Variants in DOCK7 observed in about 807,000 individuals in gnomAD.
The protein encoded by DOCK7 is dedicator of cytokinesis 7, also known as dedicator of cytokinesis protein 7.
In DOCK7, 138 loss-of-function variants were observed where a neutral mutation model predicts 271.0. The ratio of observed to expected loss-of-function variants is 0.51; its 90% confidence interval spans 0.44 to 0.59. The LOEUF is 0.59. Ranked by LOEUF, DOCK7 falls within the 20% of genes least tolerant of loss-of-function variation. The pLI, the probability that DOCK7 is intolerant of heterozygous loss-of-function variation, is 0.00. For synonymous variants in DOCK7, 823 were observed against 876.1 expected, an observed-to-expected ratio of 0.94 and a Z score of 1.07; for missense variants, 2,066 against 2,592.4, an observed-to-expected ratio of 0.80 and a Z score of 4.41.
intron 21 of DOCK7, among the ~76,000 whole-genome samples, chr1:62,553,375 T>A (rs1464070004): frequency 0.016 from 128 of 8,128 alleles, no homozygotes; most frequent in East Asian, 0.07. Flanking sequence ...TTTTTTTTTT[T>A]TTTTTTTTTT....
intron 27 of DOCK7, among the ~76,000 whole-genome samples, chr1:62,538,303 T>C (rs1157971427): frequency 6.6e-6 from 1 of 152,214 alleles, no homozygotes; most frequent in African/African-American, 2.4e-5. Flanking sequence ...ATTTCCAATA[T>C]AGCATCAATA....
intron 31 of DOCK7, among the ~76,000 whole-genome samples, chr1:62,518,797 G>T (rs756046020): frequency 5.3e-5 from 8 of 151,100 alleles, no homozygotes; most frequent in Non-Finnish European, 1.0e-4. Flanking sequence ...ACTATAATGG[G>T]GTAAGACAAT....
intron 2 of DOCK7, among the ~76,000 whole-genome samples, chr1:62,660,207 A>G (rs570408817): frequency 6.6e-6 from 1 of 152,284 alleles, no homozygotes; most frequent in African/African-American, 2.4e-5. Context: ...AAAGAACTGA[A>G]ATCAGACAGA....
At chr1:62,574,915 G>C (rs1007073920) in intron 18 of DOCK7, among the ~76,000 whole-genome samples, 5 of 152,062 alleles carry the variant, frequency 3.3e-5, no homozygotes, top group African/African-American at 4.8e-5. Flanking sequence ...ATTTTTAGTA[G>C]AGAAGGAGTT....
Position 62,634,865 on chromosome 1 carries a change from G to A in DOCK7, c.943C>T (p.Pro315Ser), listed in dbSNP as rs1337540229. ...NSEQMKGLLR[P>S]HVPPAAITTL... ...GTAATGGCAGCAGGTGGTACATGTG[G>A]ACGTAACAACCCTTTCATCTGCTCA... Residue 315 changes from proline to serine, a missense_variant, in exon 9 of 50, where the codon CCA (proline) becomes TCA (serine). Transcript: ENST00000635253. 1 of 1,612,898 alleles carries A rather than the reference G, an allele frequency of 6.2e-7. No homozygotes were observed. Among genetic ancestry groups the A allele is most frequent in the South Asian group, 1.1e-5 (1 of 91,006 alleles).
In DOCK7 at chr1:62,656,060, C is replaced by A. The variant is rs182563517; in HGVS notation, c.145-1901G>T. Among the ~76,000 whole-genome samples the A allele has an allele frequency of 3.3e-5, 5 of 152,158 alleles. No homozygotes were observed. The East Asian group carries it at 9.6e-4, about 29-fold the overall frequency. On this transcript the variant is annotated intron_variant, in intron 2 of 49. Coordinates refer to ENST00000635253, the MANE Select transcript of DOCK7 (RefSeq NM_001367561.1). ...TAAGTACAAATTATTCTATGATGTTCTTAACAAAGAAAAAGAAAGCAATCC... is the reference window on the plus strand; with the variant it reads ...TAAGTACAAATTATTCTATGATGTTATTAACAAAGAAAAAGAAAGCAATCC...
At chr1:62,598,140 T>TTTGAAATACTTTGGTGCATTG in intron 14 of DOCK7, 1 of 1,288,754 alleles carries the variant, frequency 7.8e-7, no homozygotes, top group Non-Finnish European at 1.0e-6. Context: ...AGGCATGCCA[T>TTTGAAATACTTTGGTGCATTG]TTGAAATACT....
rs944134418 is a variant in DOCK7, at chr1:62,574,029, G to A, written c.2112+3233C>T. On this transcript the variant is annotated intron_variant, in intron 18 of 49. Coordinates refer to ENST00000635253, the MANE Select transcript of DOCK7 (RefSeq NM_001367561.1). ...AGGAAGTACCTTGGCTGTAAGGAAC[G>A]GCATTTTGAAGTTATTTTGATATTA... Among the ~76,000 whole-genome samples, 8 of 152,058 alleles carry A rather than the reference G, an allele frequency of 5.3e-5. No individual in the cohort carries two copies. In the East Asian group the frequency reaches 7.7e-4, roughly 15 times the overall value.
intron 1 of DOCK7, among the ~76,000 whole-genome samples, chr1:62,679,938 A>G (rs1660926907): frequency 1.3e-5 from 2 of 152,374 alleles, no homozygotes; most frequent in Non-Finnish European, 1.5e-5. Flanking sequence ...GGAAGAATCA[A>G]TATCGTGAAA....
At chr1:62,658,357 G>A (rs1003024221) in intron 2 of DOCK7, among the ~76,000 whole-genome samples, 7 of 151,928 alleles carry the variant, frequency 4.6e-5, no homozygotes, top group African/African-American at 9.7e-5. Flanking sequence ...GGGAGGCTGC[G>A]GCATGAGAAT....
intron 37 of DOCK7, among the ~76,000 whole-genome samples, chr1:62,503,660 C>A (rs1646851919): frequency 6.6e-6 from 1 of 152,006 alleles, no homozygotes; most frequent in African/African-American, 2.4e-5. Flanking sequence ...AGGCTGGCCT[C>A]AAACTCCTGG....
chr1:62,628,634 A>G (rs75621888), intron 11 of DOCK7: 2 of 152,354 alleles, frequency 1.3e-5, no homozygotes, highest in African/African-American at 2.4e-5. Flanking sequence ...TTCATATTAC[A>G]TAATGGTTTC....
In DOCK7 at chr1:62,517,942, C is replaced by A. The variant is rs184897848; in HGVS notation, c.3937-4044G>T. Among the ~76,000 whole-genome samples, 811 of 152,214 alleles carry A rather than the reference C, an allele frequency of 5.3e-3. 12 individuals carry two copies. Among genetic ancestry groups the A allele is most frequent in the African/African-American group, 0.018 (764 of 41,538 alleles). On this transcript the variant is annotated intron_variant, in intron 31 of 49. Transcript: ENST00000635253. Reference sequence around the variant, plus strand: ...TAACAGCCCGAAACTACAAACAACCCAAACTTCCTTTGAGAAGAGAATGAA... The same window carrying A: ...TAACAGCCCGAAACTACAAACAACCAAAACTTCCTTTGAGAAGAGAATGAA...
At chr1:62,632,436 A>T (rs1253978303) in intron 10 of DOCK7, among the ~76,000 whole-genome samples, 1 of 152,198 alleles carries the variant, frequency 6.6e-6, no homozygotes, top group Non-Finnish European at 1.5e-5. Flanking sequence ...CAAGAAAAAA[A>T]TATCATGTGC....
At chr1:62,668,618 A>G (rs1192176878) in intron 1 of DOCK7, among the ~76,000 whole-genome samples, 1 of 152,202 alleles carries the variant, frequency 6.6e-6, no homozygotes, top group Admixed American at 6.5e-5. Flanking sequence ...TGGAGGCTTC[A>G]GCAGTGGCTC....
At chr1:62,528,639 C>T (rs1298344097) in intron 30 of DOCK7, among the ~76,000 whole-genome samples, 1 of 152,162 alleles carries the variant, frequency 6.6e-6, no homozygotes, top group Admixed American at 6.6e-5. Flanking sequence ...CTTTGCAACA[C>T]CAGCACCTGT....
At chr1:62,480,239 G>A (rs749721221) in intron 43 of DOCK7, among the ~76,000 whole-genome samples, 1 of 152,122 alleles carries the variant, frequency 6.6e-6, no homozygotes, top group Non-Finnish European at 1.5e-5. Flanking sequence ...ATGAAGGTGT[G>A]TTGCTGGGCT....
At chr1:62,585,948 G>GT (rs1230896067) in intron 15 of DOCK7, among the ~76,000 whole-genome samples, 4 of 152,160 alleles carry the variant, frequency 2.6e-5, no homozygotes, top group Non-Finnish European at 5.9e-5. Flanking sequence ...AGCACTGGTA[G>GT]TTTGAAAAGC....
chr1:62,455,364 G>A lies in DOCK7; in HGVS notation c.*50C>T, dbSNP rs1306227619. 6.3e-6 allele frequency: 10 copies of A among 1,580,102 alleles called. No homozygotes were observed. The highest frequency in any genetic ancestry group is 4.3e-6 in the Non-Finnish European group (5 of 1,150,352). ...TTTTCCAATAGATCTTTTCACACTC[G>A]ATGTTGAATACATGGCTCTTTGCAG... On this transcript the variant is annotated 3_prime_UTR_variant, in exon 50 of 50. Coordinates refer to ENST00000635253, the MANE Select transcript of DOCK7 (RefSeq NM_001367561.1).
Sources: gnomAD v4.1 joint callset for allele counts (sites outside exome capture counted in the v4.1 genomes callset) on GRCh38, gnomAD v4.1.1 for gene constraint, MANE v1.5 for transcripts, NCBI Gene and HGNC (gene_info 2026-07-23, HGNC 2026-07-21) for gene names.